The following PRKCB variants were observed in gnomAD, a reference collection of about 807,000 sequenced individuals.
The protein encoded by PRKCB is protein kinase C beta.
A neutral mutation model predicts 81.5 loss-of-function variants in PRKCB; 13 were observed. The observed-to-expected ratio is 0.16, with a 90% CI of 0.10 to 0.25. PRKCB has a LOEUF of 0.25. Among genes scored for constraint, PRKCB ranks in the 10% least tolerant of loss-of-function variants. PRKCB has a pLI of 1.00. For missense variants in PRKCB, 509 were observed against 875.7 expected (o/e 0.58, Z 5.29); for synonymous variants, 335 against 321.4 (o/e 1.04, Z -0.45).
intron 3 of PRKCB, among the ~76,000 whole-genome samples, chr16:24,008,492 C>G (rs1965159068): frequency 6.6e-6 from 1 of 152,202 alleles, no homozygotes. Flanking sequence ...CAGTTTTTGA[C>G]AACTGTTTAT....
At chr16:23,911,975 G>A (rs1290472051) in intron 2 of PRKCB, among the ~76,000 whole-genome samples, 2 of 151,296 alleles carry the variant, frequency 1.3e-5, no homozygotes, top group Admixed American at 6.6e-5. Flanking sequence ...GGGATTTCAG[G>A]TGCGCACCAC....
At chr16:23,898,135 G>A (rs1349181249) in intron 2 of PRKCB, among the ~76,000 whole-genome samples, 1 of 150,450 alleles carries the variant, frequency 6.6e-6, no homozygotes, top group Non-Finnish European at 1.5e-5. Flanking sequence ...GTGCGATCTC[G>A]GTTCACTGCA....
chr16:24,191,407 T>G, intron 16 of PRKCB, 177 bp downstream of exon 16: 1 of 650,998 alleles, frequency 1.5e-6, no homozygotes, highest in Non-Finnish European at 2.5e-6. Context: ...CATTTTCCAT[T>G]GGCCCAGCTT....
intron 7 of PRKCB, among the ~76,000 whole-genome samples, chr16:24,102,575 T>C (rs930421534): frequency 3.9e-5 from 6 of 152,224 alleles, no homozygotes; most frequent in Non-Finnish European, 8.8e-5. Context: ...CTATCAGATG[T>C]GGTGCACCAG....
At chr16:23,862,608 G>A (rs1174764293) in intron 2 of PRKCB, among the ~76,000 whole-genome samples, 1 of 151,842 alleles carries the variant, frequency 6.6e-6, no homozygotes, top group African/African-American at 2.4e-5. Flanking sequence ...TTTTTTTTTC[G>A]TTGAGAGTTT....
chr16:24,030,360 G>A (rs1965535759), intron 3 of PRKCB, among the ~76,000 whole-genome samples: 1 of 149,418 alleles, frequency 6.7e-6, no homozygotes, highest in Non-Finnish European at 1.5e-5. Flanking sequence ...TGAGTGCTGA[G>A]AATGTACATA....
rs1303660519 is a variant in PRKCB, at chr16:24,021,187, CCTCT to C, written c.289-10948_289-10945del. On this transcript the variant is annotated intron_variant, in intron 3 of 16. Transcript: ENST00000643927. ...CCTCTCTCCCTCCCTTCCCTTCCTT[CCTCT>C]TTCTTTCTTTCTTTCTTTCTTTCTT... Among the ~76,000 whole-genome samples the C allele has an allele frequency of 3.2e-3, 316 of 97,984 alleles. 2 individuals carry two copies. The highest frequency in any genetic ancestry group is 0.012 in the African/African-American group (293 of 24,070). 64.3% of individuals were successfully genotyped at this position (97,984 alleles called of 152,430 possible). A position where few individuals can be genotyped will look rare whatever the true frequency, so the allele number is the denominator to read the frequency against.
intron 2 of PRKCB, among the ~76,000 whole-genome samples, chr16:23,864,966 C>T (rs143497044): frequency 2.6e-5 from 4 of 152,096 alleles, no homozygotes; most frequent in Admixed American, 6.6e-5. Context: ...GTTCCCACTT[C>T]GAAGTGAGAA....
chr16:24,199,145 T>C (rs138402667), intron 16 of PRKCB, among the ~76,000 whole-genome samples: 1 of 152,362 alleles, frequency 6.6e-6, no homozygotes, highest in African/African-American at 2.4e-5. Flanking sequence ...GTTAGTATCA[T>C]TTCCAAAATA....
At position 24,218,274 on chromosome 16, in the gene PRKCB, A is replaced by C; in HGVS notation, c.*3458A>C. ...GGATTGGGAGAGAGATGCACAGACA[A>C]TATTAAAGAGGAGGCATTCGAGCTT... On this transcript the variant is annotated 3_prime_UTR_variant, in exon 17 of 17. Transcript: ENST00000643927. The C allele has an allele frequency of 1.0e-6, 1 of 985,386 alleles. No individual in the cohort carries two copies. The highest frequency in any genetic ancestry group is 4.7e-5 in the South Asian group (1 of 21,280). 61.0% of individuals were successfully genotyped at this position (985,386 alleles called of 1,614,324 possible).
At chr16:24,213,614 C>T (rs767495562) in intron 16 of PRKCB, among the ~76,000 whole-genome samples, 1 of 152,172 alleles carries the variant, frequency 6.6e-6, no homozygotes, top group Non-Finnish European at 1.5e-5. Flanking sequence ...ATTGTTATTA[C>T]TCCTACTACT....
intron 9 of PRKCB, among the ~76,000 whole-genome samples, chr16:24,134,753 G>GA (rs112032959): frequency 0.036 from 5,148 of 143,764 alleles, 276 homozygotes; most frequent in African/African-American, 0.12. Flanking sequence ...CGTCTCAAAG[G>GA]AAAAAAAAAA....
At position 24,134,828 on chromosome 16, in the gene PRKCB, G is replaced by A. The variant is rs112268611; in HGVS notation, c.1065+10847G>A. Among the ~76,000 whole-genome samples the A allele has an allele frequency of 8.8e-3, 1,345 of 152,026 alleles. 19 individuals carry two copies. Among genetic ancestry groups the A allele is most frequent in the Middle Eastern group, 0.041 (12 of 294 alleles). On this transcript the variant is annotated intron_variant, in intron 9 of 16. Coordinates refer to ENST00000643927, the MANE Select transcript of PRKCB (RefSeq NM_002738.7). ...TCTGGAGGCTGGGGCAGGAAGAGAGGTTGAGCCCAGGAGTTCGAGGCTGAA... is the reference window on the plus strand; with the variant it reads ...TCTGGAGGCTGGGGCAGGAAGAGAGATTGAGCCCAGGAGTTCGAGGCTGAA...
intron 16 of PRKCB, among the ~76,000 whole-genome samples, chr16:24,205,145 C>CTT (rs71154289): frequency 2.5e-4 from 29 of 115,668 alleles, no homozygotes; most frequent in Admixed American, 4.9e-4. Flanking sequence ...ATTATAATTC[C>CTT]TTTTTTTTTT....
At chr16:24,109,778 C>T (rs1279173100) in intron 7 of PRKCB, among the ~76,000 whole-genome samples, 4 of 134,158 alleles carry the variant, frequency 3.0e-5, no homozygotes, top group Non-Finnish European at 4.6e-5. Context: ...GAGGTTGTAG[C>T]GAGCCGAGAT....
chr16:24,156,145 T>C (rs1419091413), intron 10 of PRKCB, among the ~76,000 whole-genome samples: 1 of 152,216 alleles, frequency 6.6e-6, no homozygotes, highest in Non-Finnish European at 1.5e-5. Flanking sequence ...GGGCCTCCCT[T>C]CACCTATTAC....
At chr16:23,873,568 G>A (rs1962948377) in intron 2 of PRKCB, among the ~76,000 whole-genome samples, 1 of 152,136 alleles carries the variant, frequency 6.6e-6, no homozygotes, top group South Asian at 2.1e-4. Context: ...TCAACCATGT[G>A]CTTTCTGGCC....
intron 2 of PRKCB, among the ~76,000 whole-genome samples, chr16:23,980,786 G>A (rs529614198): frequency 8.7e-5 from 13 of 149,802 alleles, no homozygotes; most frequent in Admixed American, 2.6e-4. Flanking sequence ...GAGGGGAATC[G>A]ACTCCAAACA....
intron 2 of PRKCB, among the ~76,000 whole-genome samples, chr16:23,879,484 T>C (rs1469329482): frequency 0.078 from 57 of 728 alleles, no homozygotes; most frequent in African/African-American, 0.23. Flanking sequence ...TAGCTATCCT[T>C]TTTTTTTTTT....
Sources: allele counts gnomAD v4.1 joint callset (sites outside exome capture counted in the v4.1 genomes callset), GRCh38; gene constraint gnomAD v4.1.1; transcripts MANE v1.5; gene names NCBI Gene and HGNC (gene_info 2026-07-23, HGNC 2026-07-21).